Variants in GLB1 observed in about 807,000 individuals in gnomAD.
The protein encoded by GLB1 is galactosidase beta 1.
GLB1 carries 56 observed loss-of-function variants against 74.0 expected under a neutral mutation model. The ratio of observed to expected loss-of-function variants is 0.76; its 90% CI spans 0.61 to 0.94. The LOEUF is 0.94. Among genes scored for constraint, GLB1 ranks in the 40% least tolerant of loss-of-function variants. GLB1 has a pLI of 0.00. For missense variants in GLB1, 787 were observed against 845.5 expected (o/e 0.93, Z 0.86); for synonymous variants, 323 against 323.6 (o/e 1.00, Z 0.02).
chr3:33,071,696 C>T (rs1358037107), intron 2 of GLB1, among the ~76,000 whole-genome samples: 1 of 152,084 alleles, frequency 6.6e-6, no homozygotes, highest in Non-Finnish European at 1.5e-5. Flanking sequence ...TCCTGCTCTT[C>T]TGTTGCCCAC....
the GLB1 span, among the ~76,000 whole-genome samples, chr3:32,963,272 A>T: frequency 6.6e-6 from 1 of 152,196 alleles, no homozygotes; most frequent in Non-Finnish European, 1.5e-5. Context: ...CACACTACAC[A>T]TAGTTAAATT....
At chr3:32,986,282 T>C in the GLB1 span, among the ~76,000 whole-genome samples, 56 of 151,640 alleles carry the variant, frequency 3.7e-4, no homozygotes, top group Middle Eastern at 3.4e-3. Flanking sequence ...CACTGGGCAA[T>C]AGAGACCCCA....
intron 1 of GLB1, among the ~76,000 whole-genome samples, chr3:33,095,402 T>G (rs939888074): frequency 1.3e-5 from 2 of 151,954 alleles, no homozygotes; most frequent in African/African-American, 4.8e-5. Context: ...GGCGGGCGCC[T>G]GTAGTCCCAG....
chr3:33,051,615 A>AGAAAG, intron 9 of GLB1, 143 bp downstream of exon 9: 1 of 1,176,708 alleles, frequency 8.5e-7, no homozygotes, highest in South Asian at 1.6e-5. Context: ...AAAAAAAAAA[A>AGAAAG]AAAAGAAAAA....
chr3:33,018,147 A>G (rs1030318139), intron 13 of GLB1, among the ~76,000 whole-genome samples: 3 of 152,080 alleles, frequency 2.0e-5, no homozygotes, highest in South Asian at 2.1e-4. Flanking sequence ...TTAGCCAGGC[A>G]TGGTGGTGCA....
At chr3:33,068,320 G>T (rs1213157325) in intron 3 of GLB1, 30 bp from the exon 4 acceptor site, 2 of 1,613,632 alleles carry the variant, frequency 1.2e-6, no homozygotes, top group Non-Finnish European at 1.7e-6. Flanking sequence ...CCATTATAAT[G>T]TCTGTTCCGT....
downstream of GLB1, among the ~76,000 whole-genome samples, chr3:32,993,490 G>A (rs544700023): frequency 7.4e-4 from 111 of 149,208 alleles, no homozygotes; most frequent in African/African-American, 2.6e-3. Flanking sequence ...TGAGTAGCTA[G>A]GACTACAGGC....
chr3:33,055,709 C>T (rs1387703977), intron 6 of GLB1, among the ~76,000 whole-genome samples: 4 of 150,828 alleles, frequency 2.7e-5, no homozygotes, highest in South Asian at 2.1e-4. Flanking sequence ...ACTCATGATC[C>T]GCCTGCCTTG....
chr3:33,074,122 G>A (rs1230394046), intron 1 of GLB1, among the ~76,000 whole-genome samples: 2 of 150,674 alleles, frequency 1.3e-5, no homozygotes, highest in African/African-American at 2.4e-5. Flanking sequence ...GGTGGATCAC[G>A]AGGTCAGGAG....
At position 33,014,954 on chromosome 3, in the gene GLB1, G is replaced by A. The variant is rs753922877; in HGVS notation, c.1480-644C>T. On this transcript the variant is annotated intron_variant, in intron 14 of 15. Transcript: ENST00000307363. ...TGTACTCCAGCCTGGGTGTCAGAGC[G>A]ACACTCCATCTCAAAACAAAAAGGG... 5.9e-5 allele frequency among the ~76,000 whole-genome samples: 9 copies of A among 152,144 alleles called. No individual in the cohort carries two copies. In the East Asian group the frequency reaches 9.6e-4, roughly 16 times the overall value.
intron 12 of GLB1, among the ~76,000 whole-genome samples, chr3:33,020,803 C>T (rs1326765924): frequency 6.6e-6 from 1 of 152,004 alleles, no homozygotes; most frequent in South Asian, 2.1e-4. Flanking sequence ...TGTGGTTCTG[C>T]AGGATAATGT....
At chr3:33,034,609 A>C (rs1698193404) in intron 10 of GLB1, 1 of 720,570 alleles carries the variant, frequency 1.4e-6, no homozygotes, top group Admixed American at 1.9e-5. Context: ...GGTCTCCCAA[A>C]TTGCTGCACA....
intron 5 of GLB1, among the ~76,000 whole-genome samples, chr3:33,063,603 G>GTTTT (rs1441721968): frequency 1.3e-5 from 2 of 152,092 alleles, no homozygotes; most frequent in Non-Finnish European, 2.9e-5. Flanking sequence ...AAAACCAAAA[G>GTTTT]GGGCAGAAAA....
intron 5 of GLB1, among the ~76,000 whole-genome samples, chr3:33,063,902 A>C (rs1363072846): frequency 6.6e-6 from 1 of 152,080 alleles, no homozygotes; most frequent in African/African-American, 2.4e-5. Context: ...TCCTCCCACC[A>C]CAAAGCCTCA....
chr3:33,017,006 G>T (rs1264959251), intron 13 of GLB1, among the ~76,000 whole-genome samples, 166 bp from the exon 14 acceptor site: 1 of 152,204 alleles, frequency 6.6e-6, no homozygotes, highest in East Asian at 1.9e-4. Flanking sequence ...GGCCAGGTCG[G>T]AAAGATCCCC....
At chr3:33,053,192 C>T (rs982027916) in intron 7 of GLB1, among the ~76,000 whole-genome samples, 4 of 152,152 alleles carry the variant, frequency 2.6e-5, no homozygotes, top group South Asian at 4.1e-4. Context: ...GACAATAAGA[C>T]CACTTATGAG....
intron 1 of GLB1, among the ~76,000 whole-genome samples, chr3:33,088,517 G>A (rs1028066298): frequency 1.3e-5 from 2 of 151,550 alleles, no homozygotes; most frequent in Non-Finnish European, 2.9e-5. Context: ...ATCCTAAATG[G>A]AATTTCAAAA....
At chr3:32,970,670 T>G in the GLB1 span, among the ~76,000 whole-genome samples, 1 of 152,150 alleles carries the variant, frequency 6.6e-6, no homozygotes, top group Non-Finnish European at 1.5e-5. Flanking sequence ...GGATTCACCA[T>G]AGCCGGCTGA....
Position 33,016,795 on chromosome 3 carries a change from T to C in GLB1, c.1393A>G (p.Ile465Val), listed in dbSNP as rs776918632. ...AGAGTGGCTCCAGCTTTCCCTGTTA[T>C]GTTCAGAGTGATCACATTGTTTCGC... Reference protein sequence around the residue: ...LERNNVITLNITGKAGATLDL... With the variant: ...LERNNVITLNVTGKAGATLDL... Residue 465 changes from isoleucine to valine, a missense_variant, in exon 14 of 16, where the codon ATA (isoleucine) becomes GTA (valine). Coordinates refer to ENST00000307363, the MANE Select transcript of GLB1 (RefSeq NM_000404.4). The C allele has an allele frequency of 4.3e-6, 7 of 1,614,182 alleles. No homozygotes were observed. The highest frequency in any genetic ancestry group is 1.1e-5 in the South Asian group (1 of 91,082).
Sources: gnomAD v4.1 joint callset for allele counts (sites outside exome capture counted in the v4.1 genomes callset) on GRCh38, gnomAD v4.1.1 for gene constraint, MANE v1.5 for transcripts, NCBI Gene and HGNC (gene_info 2026-07-23, HGNC 2026-07-21) for gene names.